The following NFIB variants were observed in gnomAD, a reference collection of about 807,000 sequenced individuals.
The protein encoded by NFIB is nuclear factor 1 B-type.
A neutral mutation model predicts 61.5 loss-of-function variants in NFIB; 11 were observed. The observed-to-expected ratio is 0.18, with a 90% CI of 0.11 to 0.30. The LOEUF (loss-of-function observed/expected upper bound fraction) is 0.30, where lower values mean the gene tolerates loss of function less well. Ranked by LOEUF, NFIB falls within the 10% of genes least tolerant of loss-of-function variation. The probability of loss-of-function intolerance (pLI) is 1.00; values close to 1 mark genes in which losing one functional copy is unlikely to be tolerated. For synonymous variants in NFIB, 260 were observed against 216.5 expected (o/e 1.20, Z -1.76); for missense variants, 471 against 608.9 (o/e 0.77, Z 2.38).
intron 1 of NFIB, among the ~76,000 whole-genome samples, chr9:14,334,375 A>G (rs1468613609): frequency 2.6e-5 from 4 of 152,210 alleles, no homozygotes; most frequent in African/African-American, 9.6e-5. Context: ...CATCAAGACT[A>G]TATTCCAACG....
At chr9:14,197,334 T>A (rs913813830) in intron 2 of NFIB, among the ~76,000 whole-genome samples, 2 of 149,928 alleles carry the variant, frequency 1.3e-5, no homozygotes, top group African/African-American at 2.5e-5. Flanking sequence ...CACTGGGGTA[T>A]TAGAACAATG....
At chr9:14,234,645 A>G (rs1239933209) in intron 2 of NFIB, among the ~76,000 whole-genome samples, 1 of 148,540 alleles carries the variant, frequency 6.7e-6, no homozygotes, top group Non-Finnish European at 1.5e-5. Context: ...TACAGGTGTG[A>G]GCCACTGCAC....
intron 2 of NFIB, among the ~76,000 whole-genome samples, chr9:14,207,065 A>G (rs2049816204): frequency 6.6e-6 from 1 of 152,226 alleles, no homozygotes; most frequent in African/African-American, 2.4e-5. Context: ...ATTTGTTTAC[A>G]TGTCCAATAC....
At chr9:14,227,417 T>A (rs2052569890) in intron 2 of NFIB, among the ~76,000 whole-genome samples, 2 of 152,146 alleles carry the variant, frequency 1.3e-5, no homozygotes, top group Admixed American at 6.5e-5. Context: ...AAACAAAGCA[T>A]GGATGAATTT....
the NFIB span, among the ~76,000 whole-genome samples, chr9:14,470,056 G>T: frequency 6.6e-6 from 1 of 152,222 alleles, no homozygotes; most frequent in Non-Finnish European, 1.5e-5. Context: ...GGAACTGTAT[G>T]AACTTCAGCA....
rs1323275769 is a variant in NFIB at position 14,307,792 on chromosome 9, C to G, written c.31-272G>C. The G allele has an allele frequency of 6.7e-6, 2 of 298,410 alleles. No homozygotes were observed. Among genetic ancestry groups the G allele is most frequent in the Non-Finnish European group, 1.2e-5 (2 of 160,266 alleles). 18.5% of individuals were successfully genotyped at this position (298,410 alleles called of 1,614,324 possible). A position where few individuals can be genotyped will look rare whatever the true frequency, so the allele number is the denominator to read the frequency against. On this transcript the variant is annotated intron_variant, in intron 1 of 10. Coordinates refer to ENST00000380953, the MANE Select transcript of NFIB (RefSeq NM_001190737.2). The surrounding 1 kb of genome is among the most constrained non-coding windows in gnomAD (Gnocchi z 5.3). ...TTATATTTTGTATTACACTCTGGCC[C>G]CATCCCCCTTGTTTCCACCCCAATG...
intron 2 of NFIB, among the ~76,000 whole-genome samples, chr9:14,198,693 C>T (rs1026735378): frequency 6.6e-6 from 1 of 152,164 alleles, no homozygotes; most frequent in Non-Finnish European, 1.5e-5. Context: ...GCCAAGAAAG[C>T]GCTCTCAACA....
intron 3 of NFIB, among the ~76,000 whole-genome samples, chr9:14,173,999 G>A (rs1200584252): frequency 6.6e-6 from 1 of 152,052 alleles, no homozygotes; most frequent in African/African-American, 2.4e-5. Context: ...TGTAGCTGAG[G>A]GCTATGCGTT....
At chr9:14,178,671 A>G (rs1189946748) in intron 3 of NFIB, among the ~76,000 whole-genome samples, 19 of 152,134 alleles carry the variant, frequency 1.2e-4, no homozygotes, top group Non-Finnish European at 4.4e-5. Context: ...TTGATTTTGC[A>G]TTTTTACTTG....
At chr9:14,302,152 G>A (rs1477822268) in intron 2 of NFIB, among the ~76,000 whole-genome samples, 1 of 152,164 alleles carries the variant, frequency 6.6e-6, no homozygotes, top group African/African-American at 2.4e-5. Context: ...GGAAATACCT[G>A]CAGATGAAGT....
chr9:14,463,804 G>A, the NFIB span, among the ~76,000 whole-genome samples: 100 of 151,990 alleles, frequency 6.6e-4, 1 homozygote, highest in African/African-American at 2.1e-3. Flanking sequence ...GGGACTACAG[G>A]CGCCCGCCAC....
At chr9:14,249,880 A>C (rs1001883522) in intron 2 of NFIB, among the ~76,000 whole-genome samples, 1 of 152,150 alleles carries the variant, frequency 6.6e-6, no homozygotes, top group African/African-American at 2.4e-5. Context: ...GCAAAGGGAT[A>C]AATAGAGGAA....
chr9:14,431,037 T>C, the NFIB span, among the ~76,000 whole-genome samples: 4 of 152,198 alleles, frequency 2.6e-5, no homozygotes, highest in African/African-American at 9.7e-5. Flanking sequence ...TCTCAAATGA[T>C]TCTACAAAAT....
chr9:14,365,124 C>A (rs1435315242), intron 1 of NFIB, among the ~76,000 whole-genome samples: 1 of 152,198 alleles, frequency 6.6e-6, no homozygotes, highest in East Asian at 1.9e-4. Flanking sequence ...CAGTGTCCTG[C>A]ACATGCCAAG....
rs140628746 is a variant in NFIB, at chr9:14,358,326, G to A, written c.108+40198C>T. The stretch of plus-strand genomic sequence containing the variant: ...TATATACTTTAAAAAAAGGCTGTTC[G>A]TTTCTTTCACATTTTCTGAGCACAA... On this transcript the variant is annotated intron_variant, in intron 1 of 8. Coordinates refer to the NFIB transcript ENST00000380934. Among the ~76,000 whole-genome samples the A allele has an allele frequency of 5.0e-3, 765 of 151,820 alleles. 3 individuals are homozygous for A. Among genetic ancestry groups the A allele is most frequent in the Non-Finnish European group, 8.3e-3 (561 of 67,940 alleles).
intron 2 of NFIB, 73 bp from the exon 3 acceptor site, chr9:14,179,853 G>T: frequency 6.9e-7 from 1 of 1,449,762 alleles, no homozygotes; most frequent in South Asian, 1.3e-5. Context: ...CAAAGGACTC[G>T]AAAAAAAAAT....
At chr9:14,468,367 C>A in the NFIB span, among the ~76,000 whole-genome samples, 2 of 152,202 alleles carry the variant, frequency 1.3e-5, no homozygotes, top group African/African-American at 4.8e-5. Context: ...TGATCTAAGG[C>A]ATTCAGGGCA....
chr9:14,364,413 G>A lies in NFIB; in HGVS notation c.108+34111C>T, dbSNP rs576036283. ...AGACAGACATCTAGTTAATGCGAGA[G>A]GTGAAAATTCTAATGCTTAATACTA... On this transcript the variant is annotated intron_variant, in intron 1 of 8. Coordinates refer to the NFIB transcript ENST00000380934. Among the ~76,000 whole-genome samples the A allele has an allele frequency of 1.7e-4, 26 of 152,266 alleles. 1 individual carries two copies. The South Asian group carries it at 5.2e-3, about 30-fold the overall frequency.
At chr9:14,103,800 GA>G (rs1288124022) in intron 10 of NFIB, among the ~76,000 whole-genome samples, 1 of 151,666 alleles carries the variant, frequency 6.6e-6, no homozygotes, top group Non-Finnish European at 1.5e-5. Flanking sequence ...TTAAAGAACT[GA>G]AAAAAATTCC....
Sources: gnomAD v4.1 joint callset for allele counts (sites outside exome capture counted in the v4.1 genomes callset) on GRCh38, gnomAD v4.1.1 for gene constraint, Gnocchi (gnomAD v3.1) non-coding constraint, MANE v1.5 for transcripts, NCBI Gene and HGNC (gene_info 2026-07-23, HGNC 2026-07-21) for gene names.